Variants in KDM6A observed in about 807,000 individuals in gnomAD.
KDM6A encodes the protein lysine-specific demethylase 6A.
KDM6A carries 11 observed loss-of-function variants against 117.6 expected under a neutral mutation model. The ratio of observed to expected loss-of-function variants is 0.09; its 90% confidence interval spans 0.06 to 0.15. The LOEUF is 0.15. Among genes scored for constraint, KDM6A ranks in the 10% least tolerant of loss-of-function variants. The pLI, the probability that KDM6A is intolerant of heterozygous loss-of-function variation, is 1.00. For missense variants in KDM6A, 799 were observed against 1,077.3 expected, an observed-to-expected ratio of 0.74 and a Z score of 3.62; for synonymous variants, 384 against 396.1, an observed-to-expected ratio of 0.97 and a Z score of 0.36.
intron 2 of KDM6A, among the ~76,000 whole-genome samples, chrX:44,958,930 G>T (rs1157614109): frequency 9.0e-6 from 1 of 111,013 alleles, no homozygotes; most frequent in African/African-American, 3.3e-5. Flanking sequence ...TTTTATTGTA[G>T]ATTATTGTAT....
At chrX:44,965,144 T>A (rs748232911) in intron 3 of KDM6A, among the ~76,000 whole-genome samples, 11 of 112,231 alleles carry the variant, frequency 9.8e-5, no homozygotes, top group Non-Finnish European at 1.7e-4. Flanking sequence ...TCTCTTGGCC[T>A]TCATAGAACT....
At chrX:45,108,222 A>C (rs1041927967) in intron 28 of KDM6A, among the ~76,000 whole-genome samples, 1 of 111,521 alleles carries the variant, frequency 9.0e-6, no homozygotes, top group African/African-American at 3.3e-5. Flanking sequence ...TCGGAGGTAG[A>C]CTGTCATGGG....
intron 27 of KDM6A, among the ~76,000 whole-genome samples, chrX:45,104,600 T>C (rs1052374699): frequency 2.7e-5 from 3 of 111,796 alleles, no homozygotes; most frequent in Non-Finnish European, 5.6e-5. Context: ...ACATTCTTTC[T>C]TTTTTAGGAC....
intron 19 of KDM6A, among the ~76,000 whole-genome samples, chrX:45,077,335 GAT>G (rs1447453806): frequency 9.0e-6 from 1 of 111,019 alleles, no homozygotes; most frequent in Non-Finnish European, 1.9e-5. Flanking sequence ...ATAGGAATCT[GAT>G]ATAGGAAGTC....
chrX:44,914,338 A>G (rs1344849739), intron 2 of KDM6A, among the ~76,000 whole-genome samples: 1 of 112,091 alleles, frequency 8.9e-6, no homozygotes, highest in Non-Finnish European at 1.9e-5. Context: ...TAAGGCATGT[A>G]AAGTGCACCG....
At position 45,090,848 on chromosome X, in the gene KDM6A, C is replaced by T; in HGVS notation, c.4018C>T (p.Leu1340Phe). 1 of 1,210,074 alleles carries T rather than the reference C, an allele frequency of 8.3e-7. No homozygotes were observed. Among genetic ancestry groups the T allele is most frequent in the Non-Finnish European group, 1.1e-6 (1 of 894,362 alleles). Residue 1340 changes from leucine to phenylalanine, a missense_variant, in exon 27 of 30, where the codon CTT (leucine) becomes TTT (phenylalanine). Leu to Phe is a conservative substitution (Grantham distance 22). Coordinates refer to ENST00000611820, the MANE Select transcript of KDM6A (RefSeq NM_001291415.2). ...ARNIKVSDPK[L>F]FEMIKYCLLR... ...AAATATCAAGGTCTCAGATCCAAAG[C>T]TTTTTGAAATGATTAAGTAAGTCTT...
At chrX:44,999,330 C>T (rs1350661132) in intron 4 of KDM6A, among the ~76,000 whole-genome samples, 1 of 111,972 alleles carries the variant, frequency 8.9e-6, no homozygotes, top group Admixed American at 9.5e-5. Context: ...GGTTCTTACC[C>T]TTGACACACG....
chrX:45,017,105 T>C (rs1029646995), intron 5 of KDM6A, among the ~76,000 whole-genome samples: 1 of 112,212 alleles, frequency 8.9e-6, no homozygotes, highest in Non-Finnish European at 1.9e-5. Flanking sequence ...ATTTTTCAGA[T>C]TTTAAGAAAA....
chrX:44,892,682 ACT>A (rs1278713760), intron 2 of KDM6A, among the ~76,000 whole-genome samples: 10 of 106,019 alleles, frequency 9.4e-5, no homozygotes, highest in Non-Finnish European at 1.4e-4. Context: ...ACTGAGCGAG[ACT>A]CTGTCTCAAA....
intron 5 of KDM6A, among the ~76,000 whole-genome samples, chrX:45,014,112 A>T (rs2041873567): frequency 9.0e-6 from 1 of 111,531 alleles, no homozygotes; most frequent in East Asian, 2.8e-4. Context: ...TTTAAGTAAA[A>T]TTTGGTATTT....
chrX:44,919,703 C>T (rs774672120), intron 2 of KDM6A, among the ~76,000 whole-genome samples: 8 of 104,240 alleles, frequency 7.7e-5, no homozygotes, highest in East Asian at 3.0e-4. Flanking sequence ...TGCAGTGGCA[C>T]GATCTTGGCT....
chrX:45,050,077 C>T (rs770736779), intron 8 of KDM6A, among the ~76,000 whole-genome samples: 2 of 113,118 alleles, frequency 1.8e-5, no homozygotes, highest in South Asian at 3.6e-4. Flanking sequence ...CGGTGGCTCA[C>T]GCCTGTAATC....
At chrX:45,063,371 TC>T (rs1388374094) in intron 16 of KDM6A, 50 bp from the exon 17 acceptor site, 1 of 1,127,368 alleles carries the variant, frequency 8.9e-7, no homozygotes, top group Non-Finnish European at 1.2e-6. Context: ...TAGATTCTCT[TC>T]CCTATAGATT....
intron 15 of KDM6A, 127 bp from the exon 16 acceptor site, chrX:45,062,520 C>G: frequency 4.0e-6 from 2 of 498,827 alleles, no homozygotes; most frequent in Non-Finnish European, 7.2e-6. Flanking sequence ...GACTGTTGGT[C>G]AGAAGACAGT....
intron 2 of KDM6A, among the ~76,000 whole-genome samples, chrX:44,885,886 C>T (rs746037787): frequency 1.7e-4 from 19 of 109,844 alleles, no homozygotes; most frequent in African/African-American, 6.0e-4. Flanking sequence ...AAAATTCCTA[C>T]GTCATCTCTC....
chrX:44,990,914 A>G (rs1440078332), intron 4 of KDM6A, among the ~76,000 whole-genome samples: 1 of 112,060 alleles, frequency 8.9e-6, no homozygotes, highest in African/African-American at 3.2e-5. Context: ...AGTGTTTGGA[A>G]TGTTCTCATC....
At chrX:44,901,365 T>C (rs192626003) in intron 2 of KDM6A, among the ~76,000 whole-genome samples, 1 of 108,945 alleles carries the variant, frequency 9.2e-6, no homozygotes. Context: ...CAAAAAAATA[T>C]ATATATATAT....
chrX:44,913,395 T>C (rs2035342144), intron 2 of KDM6A, among the ~76,000 whole-genome samples: 1 of 104,256 alleles, frequency 9.6e-6, no homozygotes, highest in African/African-American at 3.6e-5. Flanking sequence ...GCCTCCTGGG[T>C]TCGAGCGATT....
At chrX:44,911,290 G>A (rs1162057820) in intron 2 of KDM6A, among the ~76,000 whole-genome samples, 4 of 110,228 alleles carry the variant, frequency 3.6e-5, no homozygotes, top group African/African-American at 1.3e-4. Context: ...GCTGGGCGGA[G>A]GGGCTCCTCA....
Sources: allele counts gnomAD v4.1 joint callset (sites outside exome capture counted in the v4.1 genomes callset), GRCh38; gene constraint gnomAD v4.1.1; transcripts MANE v1.5; gene names NCBI Gene and HGNC (gene_info 2026-07-23, HGNC 2026-07-21).